Variants in DDHD1 observed in about 807,000 individuals in gnomAD.
DDHD1 encodes DDHD domain containing 1.
DDHD1 carries 49 observed loss-of-function variants against 96.4 expected under a neutral mutation model. The observed-to-expected ratio is 0.51, with a 90% confidence interval of 0.40 to 0.64. DDHD1 has a LOEUF of 0.64. Ranked by LOEUF, DDHD1 falls within the 30% of genes least tolerant of loss-of-function variation. DDHD1 has a pLI of 0.00. For missense variants in DDHD1, 1,106 were observed against 1,161.2 expected (o/e 0.95, Z 0.69); for synonymous variants, 442 against 446.5 (o/e 0.99, Z 0.13).
At chr14:53,139,391 A>G (rs1382332226) in intron 1 of DDHD1, among the ~76,000 whole-genome samples, 1 of 152,190 alleles carries the variant, frequency 6.6e-6, no homozygotes, top group Admixed American at 6.5e-5. Context: ...GGAAAACCTG[A>G]AGCTAAGAAT....
intron 7 of DDHD1, among the ~76,000 whole-genome samples, chr14:53,061,709 A>G (rs541124096): frequency 3.9e-5 from 6 of 152,238 alleles, no homozygotes; most frequent in Admixed American, 2.0e-4. Flanking sequence ...AAACTATGGA[A>G]TTAAGTTATT....
intron 6 of DDHD1, among the ~76,000 whole-genome samples, chr14:53,072,101 C>T (rs1056376769): frequency 6.6e-6 from 1 of 152,088 alleles, no homozygotes; most frequent in African/African-American, 2.4e-5. Flanking sequence ...ACAGAATTCT[C>T]CTTTCCCTCT....
intron 12 of DDHD1, among the ~76,000 whole-genome samples, chr14:53,051,406 G>C (rs1882553229): frequency 6.6e-6 from 1 of 151,914 alleles, no homozygotes. Flanking sequence ...AAAGCAATCA[G>C]CTATGACATA....
intron 4 of DDHD1, among the ~76,000 whole-genome samples, chr14:53,081,884 G>GA (rs1218243511): frequency 1.3e-5 from 2 of 150,828 alleles, no homozygotes; most frequent in South Asian, 2.1e-4. Flanking sequence ...GAAGAAAAAT[G>GA]AAAAAATAAT....
intron 1 of DDHD1, among the ~76,000 whole-genome samples, chr14:53,125,527 T>C (rs1001064527): frequency 2.0e-5 from 3 of 152,204 alleles, no homozygotes; most frequent in Non-Finnish European, 4.4e-5. Context: ...TTCTATCAGA[T>C]TATTAAAATC....
At chr14:53,132,814 G>A (rs1012639881) in intron 1 of DDHD1, among the ~76,000 whole-genome samples, 1 of 152,172 alleles carries the variant, frequency 6.6e-6, no homozygotes, top group Admixed American at 6.5e-5. Context: ...TCACATCCCA[G>A]TGCTCAGGGC....
intron 1 of DDHD1, among the ~76,000 whole-genome samples, chr14:53,140,624 G>C (rs1213976112): frequency 1.3e-5 from 2 of 152,014 alleles, no homozygotes; most frequent in Non-Finnish European, 1.5e-5. Context: ...AGATAGAAGA[G>C]AATCATTAAA....
chr14:53,060,289 A>G (rs1008523181), intron 8 of DDHD1, among the ~76,000 whole-genome samples: 4 of 152,238 alleles, frequency 2.6e-5, no homozygotes, highest in Non-Finnish European at 5.9e-5. Context: ...TAGTCTAGTC[A>G]ATGCTGACAC....
At chr14:53,125,587 C>T (rs78352463) in intron 1 of DDHD1, among the ~76,000 whole-genome samples, 1 of 152,126 alleles carries the variant, frequency 6.6e-6, no homozygotes, top group Non-Finnish European at 1.5e-5. Context: ...AGCACAGTGT[C>T]ATTCAAACTT....
At chr14:53,126,460 C>T (rs764288601) in intron 1 of DDHD1, among the ~76,000 whole-genome samples, 10 of 152,146 alleles carry the variant, frequency 6.6e-5, no homozygotes, top group Admixed American at 1.3e-4. Flanking sequence ...CTCGACTTCC[C>T]GGGCTCAGGT....
chr14:53,133,043 C>A (rs1225882372), intron 1 of DDHD1, among the ~76,000 whole-genome samples: 1 of 152,192 alleles, frequency 6.6e-6, no homozygotes, highest in Non-Finnish European at 1.5e-5. Flanking sequence ...CATTTCATAA[C>A]CTCGTCCATG....
chr14:53,114,853 A>C (rs1465964922), intron 1 of DDHD1, among the ~76,000 whole-genome samples: 1 of 152,196 alleles, frequency 6.6e-6, no homozygotes, highest in Non-Finnish European at 1.5e-5. Flanking sequence ...CAGCAAGGTC[A>C]CAAAACTGGA....
At chr14:53,096,071 G>T in intron 2 of DDHD1, 1 of 909,078 alleles carries the variant, frequency 1.1e-6, no homozygotes, top group Non-Finnish European at 1.3e-6. Context: ...AATACTATAA[G>T]CCAGGAATAT....
At chr14:53,129,622 C>CACCACCTCTCCTGGGTGGCAAGT (rs576258128) in intron 1 of DDHD1, among the ~76,000 whole-genome samples, 5,087 of 152,158 alleles carry the variant, frequency 0.033, 291 homozygotes, top group African/African-American at 0.11. Context: ...GGGAGGCAAG[C>CACCACCTCTCCTGGGTGGCAAGT]ACCACCCTCC....
intron 1 of DDHD1, among the ~76,000 whole-genome samples, chr14:53,139,972 A>AAT (rs1264610877): frequency 6.6e-6 from 1 of 152,144 alleles, no homozygotes; most frequent in Admixed American, 6.5e-5. Context: ...CAACATGTAT[A>AAT]ATTAGATGAG....
chr14:53,088,970 A>T (rs1315181062), intron 4 of DDHD1, among the ~76,000 whole-genome samples: 1 of 152,224 alleles, frequency 6.6e-6, no homozygotes, highest in Non-Finnish European at 1.5e-5. Flanking sequence ...AACTTCAGCA[A>T]AGTCTCGGGA....
chr14:53,052,003 A>G, intron 11 of DDHD1, 76 bp from the exon 12 acceptor site: 5 of 1,033,298 alleles, frequency 4.8e-6, no homozygotes, highest in Non-Finnish European at 7.3e-6. Context: ...GTAGTGGCCA[A>G]AAGTTAGAAC....
At position 53,152,487 on chromosome 14, in the gene DDHD1, C is replaced by A; in HGVS notation, c.612G>T (p.Arg204=). Residue 204 remains arginine, a synonymous_variant, in exon 1 of 13, where the codon CGG becomes CGT. Transcript: ENST00000673822. ...FRTLLQTTGA[R]PQGGDRDGDH... ...CGCCGTCCCGGTCCCCGCCCTGGGG[C>A]CGGGCACCCGTGGTCTGCAGCAGGG... 1 of 1,613,060 alleles carries A rather than the reference C, an allele frequency of 6.2e-7. No homozygotes were observed. The highest frequency in any genetic ancestry group is 8.5e-7 in the Non-Finnish European group (1 of 1,179,730).
At chr14:53,114,370 C>T (rs1317962524) in intron 1 of DDHD1, among the ~76,000 whole-genome samples, 2 of 152,228 alleles carry the variant, frequency 1.3e-5, no homozygotes, top group African/African-American at 4.8e-5. Context: ...TCTCCCAGTA[C>T]AGTGCACCAG....
Sources: gnomAD v4.1 joint callset for allele counts (sites outside exome capture counted in the v4.1 genomes callset) on GRCh38, gnomAD v4.1.1 for gene constraint, MANE v1.5 for transcripts, NCBI Gene and HGNC (gene_info 2026-07-23, HGNC 2026-07-21) for gene names.